The following SHC4 variants were observed in gnomAD, a reference collection of about 807,000 sequenced individuals.
SHC4 encodes the protein SHC adaptor protein 4.
Under a neutral mutation model 69.4 loss-of-function variants are expected in SHC4, and 41 were observed. The observed-to-expected ratio is 0.59, with a 90% confidence interval of 0.46 to 0.77. The LOEUF (loss-of-function observed/expected upper bound fraction) is 0.77, where lower values mean the gene tolerates loss of function less well. Ranked by LOEUF, SHC4 falls within the 30% of genes least tolerant of loss-of-function variation. The pLI is 0.00. For missense variants in SHC4, 777 were observed against 783.8 expected, an observed-to-expected ratio of 0.99 and a Z score of 0.10; for synonymous variants, 318 against 299.3, an observed-to-expected ratio of 1.06 and a Z score of -0.64.
chr15:48,926,592 A>G (rs2141025641), intron 1 of SHC4, among the ~76,000 whole-genome samples: 1 of 151,894 alleles, frequency 6.6e-6, no homozygotes, highest in South Asian at 2.1e-4. Context: ...CCTTTTGAGT[A>G]GCTGGGATTA....
intron 11 of SHC4, among the ~76,000 whole-genome samples, chr15:48,832,233 T>C (rs937946644): frequency 1.3e-5 from 2 of 152,110 alleles, no homozygotes; most frequent in South Asian, 4.1e-4. Context: ...GATGGTGCCA[T>C]TGTACTCCAG....
chr15:48,908,784 C>A (rs1900456085), intron 2 of SHC4, among the ~76,000 whole-genome samples: 1 of 152,110 alleles, frequency 6.6e-6, no homozygotes, highest in South Asian at 2.1e-4. Flanking sequence ...GCCAGTTATC[C>A]CAGCACCATT....
chr15:48,939,085 A>T (rs1402046483), intron 1 of SHC4, among the ~76,000 whole-genome samples: 2 of 152,232 alleles, frequency 1.3e-5, no homozygotes, highest in East Asian at 3.8e-4. Context: ...AGGTCTCAGC[A>T]TATGTTCATC....
chr15:48,831,611 G>C (rs116897780), intron 11 of SHC4, among the ~76,000 whole-genome samples: 3,531 of 152,222 alleles, frequency 0.023, 67 homozygotes, highest in Non-Finnish European at 0.033. Context: ...ATACTATCTA[G>C]GTTTGTGTAC....
At chr15:48,946,192 A>T (rs898714511) in intron 1 of SHC4, 1 of 152,212 alleles carries the variant, frequency 6.6e-6, no homozygotes, top group African/African-American at 2.4e-5. Flanking sequence ...TCTCCCTCTT[A>T]TCACTTAAAC....
At chr15:48,926,613 C>T (rs894832149) in intron 1 of SHC4, among the ~76,000 whole-genome samples, 10 of 152,088 alleles carry the variant, frequency 6.6e-5, no homozygotes, top group African/African-American at 2.4e-4. Flanking sequence ...CAGGCGCATG[C>T]CACTGCACCT....
At chr15:48,935,670 T>C (rs187812239) in intron 1 of SHC4, among the ~76,000 whole-genome samples, 2 of 152,236 alleles carry the variant, frequency 1.3e-5, no homozygotes, top group East Asian at 3.9e-4. Flanking sequence ...CCTTCCCCTT[T>C]TAGTGTAACA....
chr15:48,829,423 ATATATT>A (rs1274728552), intron 11 of SHC4, among the ~76,000 whole-genome samples: 2 of 152,058 alleles, frequency 1.3e-5, no homozygotes, highest in African/African-American at 4.8e-5. Flanking sequence ...TGATGTGCAT[ATATATT>A]TATAATTATT....
intron 2 of SHC4, among the ~76,000 whole-genome samples, chr15:48,893,256 G>T (rs545883685): frequency 2.0e-5 from 3 of 152,172 alleles, no homozygotes; most frequent in African/African-American, 7.2e-5. Context: ...AAAACACAAA[G>T]TATCATGATA....
intron 1 of SHC4, among the ~76,000 whole-genome samples, chr15:48,956,639 G>A (rs1401730377): frequency 6.6e-6 from 1 of 151,984 alleles, no homozygotes; most frequent in East Asian, 1.9e-4. Flanking sequence ...CTTGGATGCT[G>A]TTCTACCACC....
chr15:48,837,426 T>G (rs1735045228), intron 10 of SHC4, among the ~76,000 whole-genome samples: 1 of 152,154 alleles, frequency 6.6e-6, no homozygotes, highest in Admixed American at 6.6e-5. Context: ...CAAATAAAAT[T>G]AATCACCTAT....
chr15:48,876,606 C>T (rs561714653), intron 4 of SHC4: 26 of 697,694 alleles, frequency 3.7e-5, no homozygotes, highest in Admixed American at 1.4e-4. Context: ...AGAGCCAGTC[C>T]GAGTTCTGAA....
chr15:48,946,326 T>A (rs1901275919), intron 1 of SHC4, among the ~76,000 whole-genome samples: 1 of 152,346 alleles, frequency 6.6e-6, no homozygotes. Flanking sequence ...CAGCTGGGTA[T>A]AAATCATAAA....
intron 11 of SHC4, among the ~76,000 whole-genome samples, chr15:48,832,367 A>G (rs1451464715): frequency 6.6e-6 from 1 of 152,156 alleles, no homozygotes; most frequent in Non-Finnish European, 1.5e-5. Context: ...AATATATTGA[A>G]CCCACTGATA....
At chr15:48,915,159 G>A (rs528379144) in intron 2 of SHC4, among the ~76,000 whole-genome samples, 34 of 152,160 alleles carry the variant, frequency 2.2e-4, no homozygotes, top group Non-Finnish European at 3.8e-4. Flanking sequence ...CCATTCCGTC[G>A]GTTGCCTTAG....
At chr15:48,858,125 C>T (rs759709543) in intron 6 of SHC4, among the ~76,000 whole-genome samples, 2 of 152,244 alleles carry the variant, frequency 1.3e-5, no homozygotes, top group South Asian at 2.1e-4. Flanking sequence ...TGTTTAACTG[C>T]TAGCTCTTGA....
At chr15:48,870,813 T>G (rs1899659480) in intron 5 of SHC4, among the ~76,000 whole-genome samples, 1 of 152,230 alleles carries the variant, frequency 6.6e-6, no homozygotes, top group Non-Finnish European at 1.5e-5. Context: ...CACAGGTAAG[T>G]TACACCAACA....
intron 3 of SHC4, among the ~76,000 whole-genome samples, chr15:48,889,916 T>G (rs1900106196): frequency 6.6e-5 from 10 of 152,224 alleles, no homozygotes; most frequent in Admixed American, 6.5e-4. Context: ...ATTTATATAG[T>G]TATCTCAAGA....
intron 11 of SHC4, among the ~76,000 whole-genome samples, chr15:48,828,214 A>G (rs1168417077): frequency 1.3e-5 from 2 of 152,090 alleles, no homozygotes; most frequent in Non-Finnish European, 2.9e-5. Context: ...GTTAACTGTT[A>G]AGTACAACGT....
Sources: allele counts gnomAD v4.1 joint callset (sites outside exome capture counted in the v4.1 genomes callset), GRCh38; gene constraint gnomAD v4.1.1; transcripts MANE v1.5; gene names NCBI Gene and HGNC (gene_info 2026-07-23, HGNC 2026-07-21).